PDE11A: variants seen among roughly 807,000 people sequenced by gnomAD.
PDE11A encodes phosphodiesterase 11A, also known as dual 3',5'-cyclic-AMP and -GMP phosphodiesterase 11A.
In PDE11A, 100 loss-of-function variants were observed where a neutral mutation model predicts 100.5. The ratio of observed to expected loss-of-function variants is 1.00; its 90% CI spans 0.85 to 1.18. PDE11A has a LOEUF of 1.18. PDE11A is among the 50% of genes most tolerant of loss of function. The pLI is 0.00. For synonymous variants in PDE11A, 381 were observed against 420.8 expected (o/e 0.91, Z 1.16); for missense variants, 1,141 against 1,152.6 (o/e 0.99, Z 0.15).
intron 2 of PDE11A, among the ~76,000 whole-genome samples, chr2:177,977,301 C>A (rs571618946): frequency 2.1e-5 from 3 of 145,570 alleles, no homozygotes; most frequent in South Asian, 2.4e-4. Flanking sequence ...CAACAACAGA[C>A]AAACAGAGAG....
At chr2:177,943,831 G>A (rs940502669) in intron 2 of PDE11A, among the ~76,000 whole-genome samples, 3 of 152,084 alleles carry the variant, frequency 2.0e-5, no homozygotes, top group Admixed American at 2.0e-4. Flanking sequence ...TTCCCCCTAT[G>A]ATTCCTACTA....
chr2:177,729,282 C>G (rs1053384133), intron 10 of PDE11A, among the ~76,000 whole-genome samples: 2 of 152,210 alleles, frequency 1.3e-5, no homozygotes, highest in African/African-American at 4.8e-5. Context: ...TCAAAATGTT[C>G]ATATGCTTTG....
chr2:177,769,301 A>T, intron 10 of PDE11A, 22 bp downstream of exon 10: 1 of 1,495,862 alleles, frequency 6.7e-7, no homozygotes. Context: ...TGCACTAATA[A>T]GGAAACCATT....
At chr2:177,690,808 T>C (rs1442621421) in intron 15 of PDE11A, among the ~76,000 whole-genome samples, 2 of 152,220 alleles carry the variant, frequency 1.3e-5, no homozygotes, top group Middle Eastern at 3.2e-3. Context: ...ATCTGAATTA[T>C]TGGAAAATTA....
intron 2 of PDE11A, among the ~76,000 whole-genome samples, chr2:177,931,911 CAAAAAAAAAAA>C (rs71410773): frequency 1.2e-5 from 1 of 80,254 alleles, no homozygotes; most frequent in Admixed American, 1.5e-4. Flanking sequence ...GCTAGATTAA[CAAAAAAAAAAA>C]AAAAAAAAGA....
chr2:177,726,545 G>A (rs2081601660), intron 12 of PDE11A, among the ~76,000 whole-genome samples: 1 of 151,956 alleles, frequency 6.6e-6, no homozygotes, highest in African/African-American at 2.4e-5. Context: ...ACAGTACAGG[G>A]AAAGAAGTAA....
intron 2 of PDE11A, among the ~76,000 whole-genome samples, chr2:177,945,035 C>G (rs919461832): frequency 2.7e-5 from 4 of 148,686 alleles, no homozygotes; most frequent in African/African-American, 7.3e-5. Context: ...TTGGCCCGGC[C>G]GGTCTCCAGC....
chr2:177,672,161 G>T (rs908030830), intron 17 of PDE11A, among the ~76,000 whole-genome samples: 10 of 152,114 alleles, frequency 6.6e-5, no homozygotes, highest in Admixed American at 2.6e-4. Flanking sequence ...AAAGGGGAGG[G>T]GGTAAGATGA....
intron 6 of PDE11A, among the ~76,000 whole-genome samples, chr2:177,836,923 C>T (rs565983864): frequency 7.9e-5 from 12 of 152,234 alleles, no homozygotes; most frequent in Admixed American, 2.0e-4. Flanking sequence ...GAACAAACTC[C>T]GGACACACCA....
intron 16 of PDE11A, among the ~76,000 whole-genome samples, chr2:177,679,718 CT>C (rs1472944249): frequency 6.6e-6 from 1 of 151,864 alleles, no homozygotes; most frequent in Non-Finnish European, 1.5e-5. Flanking sequence ...GTAGGGATGA[CT>C]TTTTGATTGG....
chr2:177,869,459 G>A lies in PDE11A; in HGVS notation c.1367+6400C>T, dbSNP rs373756935. ...CAGCAACATTTGTTGAATCCTGCTC[G>A]TGCATAACATGTCTCCGACTTTTCC... On this transcript the variant is annotated intron_variant, in intron 5 of 19. Coordinates refer to ENST00000286063, the MANE Select transcript of PDE11A (RefSeq NM_016953.4). 3.3e-5 allele frequency among the ~76,000 whole-genome samples: 5 copies of A among 152,256 alleles called. No homozygotes were observed. In the East Asian group the frequency reaches 5.8e-4, roughly 18 times the overall value.
Position 178,072,297 on chromosome 2 carries a change from C to A in PDE11A, c.141G>T (p.Gly47=). The change falls in exon 1 of 20, where the codon GGG becomes GGT. Residue 47 remains glycine, a synonymous_variant. Coordinates refer to ENST00000286063, the MANE Select transcript of PDE11A (RefSeq NM_016953.4). The part of the protein sequence containing the change: ...KWLQRHSQGQ[G]ALGPRPSLAG... ...CCAAAGAGGGCCTTGGACCTAAAGC[C>A]CCCTGACCCTGACTGTGCCTCTGCA... 1.9e-6 allele frequency: 3 copies of A among 1,614,052 alleles called. No individual in the cohort carries two copies. The highest frequency in any genetic ancestry group is 2.5e-6 in the Non-Finnish European group (3 of 1,179,958).
At chr2:177,845,890 C>T (rs1461638807) in intron 5 of PDE11A, among the ~76,000 whole-genome samples, 5 of 151,774 alleles carry the variant, frequency 3.3e-5, no homozygotes, top group Non-Finnish European at 4.4e-5. Context: ...CGTGGCGGCG[C>T]GTGCCTGCAA....
chr2:178,101,614 C>T (rs34395717), intron 2 of PDE11A, among the ~76,000 whole-genome samples: 1 of 152,064 alleles, frequency 6.6e-6, no homozygotes, highest in Admixed American at 6.6e-5. Context: ...TTGGTCAGCA[C>T]CCATTCTGAA....
At chr2:177,813,370 T>G (rs1313759055) in intron 9 of PDE11A, among the ~76,000 whole-genome samples, 2 of 152,222 alleles carry the variant, frequency 1.3e-5, no homozygotes, top group Non-Finnish European at 2.9e-5. Context: ...AGGATTCCTG[T>G]ACTTCCCAGT....
intron 6 of PDE11A, among the ~76,000 whole-genome samples, chr2:177,832,202 T>C (rs766173717): frequency 1.3e-5 from 2 of 152,236 alleles, no homozygotes; most frequent in Non-Finnish European, 2.9e-5. Context: ...CTTGATTGGA[T>C]TCCAGGATGC....
chr2:177,977,698 G>T (rs1278897997), intron 2 of PDE11A, among the ~76,000 whole-genome samples: 2 of 140,162 alleles, frequency 1.4e-5, no homozygotes, highest in African/African-American at 5.4e-5. Context: ...ATACTACAAG[G>T]CTACAGTAAC....
intron 9 of PDE11A, among the ~76,000 whole-genome samples, chr2:177,800,300 G>T (rs2105551982): frequency 6.6e-6 from 1 of 152,042 alleles, no homozygotes; most frequent in Non-Finnish European, 1.5e-5. Context: ...TTCCTGAGTA[G>T]CTGGGACTAT....
chr2:177,887,246 AC>A (rs2084450195), intron 4 of PDE11A, among the ~76,000 whole-genome samples: 1 of 152,226 alleles, frequency 6.6e-6, no homozygotes, highest in South Asian at 2.1e-4. Flanking sequence ...AAATTCAAAA[AC>A]ACATAATTAA....
Sources: allele counts gnomAD v4.1 joint callset (sites outside exome capture counted in the v4.1 genomes callset), GRCh38; gene constraint gnomAD v4.1.1; transcripts MANE v1.5; gene names NCBI Gene and HGNC (gene_info 2026-07-23, HGNC 2026-07-21).